Variants in PAPSS2 observed in about 807,000 individuals in gnomAD.
PAPSS2 encodes bifunctional 3'-phosphoadenosine 5'-phosphosulfate synthase 2.
In PAPSS2, 61 loss-of-function variants were observed where a neutral mutation model predicts 66.5. That is an observed-to-expected ratio of 0.92 (90% CI 0.75 to 1.14). PAPSS2 has a LOEUF of 1.14. Ranked by LOEUF, PAPSS2 falls within the 50% of genes most tolerant of loss-of-function variation. The probability of loss-of-function intolerance (pLI) is 0.00; values close to 1 mark genes in which losing one functional copy is unlikely to be tolerated. For missense variants in PAPSS2, 708 were observed against 789.6 expected, an observed-to-expected ratio of 0.90 and a Z score of 1.24; for synonymous variants, 289 against 287.5, an observed-to-expected ratio of 1.01 and a Z score of -0.05.
intron 1 of PAPSS2, among the ~76,000 whole-genome samples, chr10:87,671,627 A>T (rs755767198): frequency 8.5e-5 from 13 of 152,196 alleles, no homozygotes; most frequent in Non-Finnish European, 1.8e-4. Context: ...AAGTTCCCAA[A>T]GCCCCACAGG....
chr10:87,725,758 T>C (rs1485604544), intron 8 of PAPSS2, among the ~76,000 whole-genome samples: 1 of 151,854 alleles, frequency 6.6e-6, no homozygotes, highest in Admixed American at 6.6e-5. Context: ...TACAGTGGAG[T>C]GATCAGGGCT....
At chr10:87,669,272 G>C (rs181440510) in intron 1 of PAPSS2, among the ~76,000 whole-genome samples, 1 of 152,296 alleles carries the variant, frequency 6.6e-6, no homozygotes, top group Non-Finnish European at 1.5e-5. Context: ...ACCAAGTTCA[G>C]TTATACGCCA....
At position 87,741,227 on chromosome 10, in the gene PAPSS2, C is replaced by A. The variant is rs753589627; in HGVS notation, c.1087-8C>A. 3.1e-6 allele frequency: 5 copies of A among 1,613,298 alleles called. No individual in the cohort carries two copies. In the South Asian group the frequency reaches 5.5e-5, roughly 18 times the overall value. ...AATCATTAGCAATCATAACAATGTTCTTTCTAGATGGTGATGGAAAGTGGG... is the reference window on the plus strand; with the variant it reads ...AATCATTAGCAATCATAACAATGTTATTTCTAGATGGTGATGGAAAGTGGG... On this transcript the variant is annotated splice_region_variant and splice_polypyrimidine_tract_variant and intron_variant, in intron 9 of 12. Transcript: ENST00000456849.
chr10:87,722,470 A>G (rs1853609018), intron 8 of PAPSS2, among the ~76,000 whole-genome samples: 1 of 152,270 alleles, frequency 6.6e-6, no homozygotes, highest in East Asian at 1.9e-4. Context: ...CCAAACAACC[A>G]TGAAGCAGAT....
intron 7 of PAPSS2, 53 bp downstream of exon 7, chr10:87,715,896 C>A: frequency 1.7e-6 from 2 of 1,179,934 alleles, no homozygotes; most frequent in Non-Finnish European, 1.3e-6. Flanking sequence ...AAAAAAAAAT[C>A]TTTCCCAGAA....
rs71019494 is a variant in PAPSS2, at chr10:87,701,327, CCTTTCTTTCTTTCTTTCTTT to C, written c.28-7818_28-7799del. Among the ~76,000 whole-genome samples the C allele has an allele frequency of 4.6e-3, 333 of 72,170 alleles. 8 individuals are homozygous for C. The highest frequency in any genetic ancestry group is 0.03 in the Middle Eastern group (4 of 134). 47.3% of individuals were successfully genotyped at this position (72,170 alleles called of 152,430 possible). A position where few individuals can be genotyped will look rare whatever the true frequency, so the allele number is the denominator to read the frequency against. ...TCCTTCCTTCCTTCCTTCCTTCCTT[CCTTTCTTTCTTTCTTTCTTT>C]CTTTCTTTCTTTCTTTCTTTCTTTC... On this transcript the variant is annotated intron_variant, in intron 1 of 12. Coordinates refer to ENST00000456849, the MANE Select transcript of PAPSS2 (RefSeq NM_001015880.2).
Position 87,744,931 on chromosome 10 carries a change from G to C in PAPSS2, c.1492-71G>C, listed in dbSNP as rs1400647742. 2.4e-6 allele frequency: 3 copies of C among 1,257,464 alleles called. No individual in the cohort carries two copies. The African/African-American group carries it at 4.4e-5, about 18-fold the overall frequency. The allele number at this position is 1,257,464 out of a possible 1,614,324, so 77.9% of individuals were successfully genotyped here. On this transcript the variant is annotated intron_variant, in intron 11 of 12. Transcript: ENST00000456849. ...GAATTACTTTTAAAGTAGAATAAAGGTGTCTCCATAAACCATGACCTACAG... is the reference window on the plus strand; with the variant it reads ...GAATTACTTTTAAAGTAGAATAAAGCTGTCTCCATAAACCATGACCTACAG...
At chr10:87,713,881 G>A (rs1853499597) in intron 3 of PAPSS2, among the ~76,000 whole-genome samples, 163 bp from the exon 4 acceptor site, 1 of 152,168 alleles carries the variant, frequency 6.6e-6, no homozygotes, top group Non-Finnish European at 1.5e-5. Flanking sequence ...TGAGAGAGCT[G>A]TGTTTACCAG....
intron 1 of PAPSS2, among the ~76,000 whole-genome samples, chr10:87,672,373 C>T (rs1216696621): frequency 6.6e-6 from 1 of 152,168 alleles, no homozygotes. Flanking sequence ...GTAACGTGAA[C>T]TAAGTGATTT....
At chr10:87,705,909 T>G (rs1317202292) in intron 1 of PAPSS2, among the ~76,000 whole-genome samples, 5 of 150,850 alleles carry the variant, frequency 3.3e-5, no homozygotes, top group Non-Finnish European at 7.4e-5. Context: ...AATTTTTGTA[T>G]TTTTAGTAGT....
chr10:87,724,116 C>A (rs901000602), intron 8 of PAPSS2, among the ~76,000 whole-genome samples: 1 of 152,056 alleles, frequency 6.6e-6, no homozygotes, highest in Non-Finnish European at 1.5e-5. Context: ...AGGAGGAACA[C>A]CGTTTTGTAC....
rs751137173 is a variant in PAPSS2 at position 87,745,978 on chromosome 10, G to A, written c.*8G>A. The A allele has an allele frequency of 5.6e-6, 9 of 1,613,638 alleles. No homozygotes were observed. In the African/African-American group the frequency reaches 1.1e-4, roughly 19 times the overall value. ...TCCCTGGAGAAGAACTAAGCCTTTG[G>A]CTCCAGAGTTTCTTTCTGAAGTGCT... is the stretch of plus-strand genomic sequence containing the variant. On this transcript the variant is annotated 3_prime_UTR_variant, in exon 13 of 13. Transcript: ENST00000456849.
intron 1 of PAPSS2, among the ~76,000 whole-genome samples, chr10:87,671,951 A>T (rs1852884008): frequency 6.6e-6 from 1 of 152,174 alleles, no homozygotes; most frequent in South Asian, 2.1e-4. Context: ...GTATTGCCAT[A>T]AGGGTAATTG....
At chr10:87,716,241 C>T (rs1244875674) in intron 7 of PAPSS2, among the ~76,000 whole-genome samples, 2 of 152,198 alleles carry the variant, frequency 1.3e-5, no homozygotes, top group African/African-American at 2.4e-5. Flanking sequence ...CTCCACCCTC[C>T]AGGTTGCTCA....
intron 9 of PAPSS2, among the ~76,000 whole-genome samples, chr10:87,730,574 T>C (rs1853716430): frequency 6.6e-6 from 1 of 152,254 alleles, no homozygotes; most frequent in Admixed American, 6.5e-5. Flanking sequence ...AGATTTTCTC[T>C]TCAAATGCAA....
Position 87,745,113 on chromosome 10 carries a change from A to G in PAPSS2, c.1603A>G (p.Thr535Ala). Residue 535 changes from threonine (T) to alanine (A), a missense_variant, in exon 12 of 13, where the codon ACT becomes GCT. Physicochemically the swap from Thr to Ala is moderately conservative, Grantham distance 58. Coordinates refer to ENST00000456849, the MANE Select transcript of PAPSS2 (RefSeq NM_001015880.2). ...AACCAAGAAGGATCTGTATGAACCC[A>G]CTCATGGGGGCAAGGTCTTGAGCAT... Reference protein sequence around the residue: ...PETKKDLYEPTHGGKVLSMAP... With the variant: ...PETKKDLYEPAHGGKVLSMAP... The G allele has an allele frequency of 6.2e-7, 1 of 1,613,958 alleles. No individual in the cohort carries two copies. The highest frequency in any genetic ancestry group is 8.5e-7 in the Non-Finnish European group (1 of 1,179,956).
chr10:87,689,483 A>G (rs528312171), intron 1 of PAPSS2, among the ~76,000 whole-genome samples: 4 of 152,086 alleles, frequency 2.6e-5, no homozygotes, highest in African/African-American at 9.6e-5. Context: ...CCAGCCTAAC[A>G]TGGTGAAACC....
chr10:87,728,926 T>C (rs763029756), intron 9 of PAPSS2, among the ~76,000 whole-genome samples: 4 of 152,176 alleles, frequency 2.6e-5, no homozygotes, highest in Non-Finnish European at 5.9e-5. Context: ...AAAAGGTCAA[T>C]GGCAAGCAAA....
Position 87,709,326 on chromosome 10 carries a change from CATATATAT to C in PAPSS2, c.145+25_145+32del. ...GTGTGGCTAACAGGTATGTCATGTT[CATATATAT>C]ATATATATATACAAATTGCAAACTG... On this transcript the variant is annotated intron_variant, in intron 2 of 12. Transcript: ENST00000456849. The C allele has an allele frequency of 1.7e-6, 2 of 1,158,804 alleles. No homozygotes were observed. Among genetic ancestry groups the C allele is most frequent in the Non-Finnish European group, 1.3e-6 (1 of 783,960 alleles). 71.8% of individuals were successfully genotyped at this position (1,158,804 alleles called of 1,614,324 possible).
Sources: gnomAD v4.1 joint callset for allele counts (sites outside exome capture counted in the v4.1 genomes callset) on GRCh38, gnomAD v4.1.1 for gene constraint, MANE v1.5 for transcripts, NCBI Gene and HGNC (gene_info 2026-07-23, HGNC 2026-07-21) for gene names.